The following DNAJC10 variants were observed in gnomAD, a reference collection of about 807,000 sequenced individuals.
DNAJC10 encodes DnaJ heat shock protein family (Hsp40) member C10, also known as endoplasmic reticulum disulfide reductase DNAJC10.
In DNAJC10, 101 loss-of-function variants were observed where a neutral mutation model predicts 115.0. The ratio of observed to expected loss-of-function variants is 0.88; its 90% CI spans 0.75 to 1.04. DNAJC10 has a LOEUF of 1.04. DNAJC10 is among the 50% of genes least tolerant of loss of function. The probability of loss-of-function intolerance (pLI) is 0.00; values close to 1 mark genes in which losing one functional copy is unlikely to be tolerated. For synonymous variants in DNAJC10, 307 were observed against 301.5 expected, an observed-to-expected ratio of 1.02 and a Z score of -0.19; for missense variants, 981 against 928.8, an observed-to-expected ratio of 1.06 and a Z score of -0.73.
chr2:182,749,451 C>G (rs1693958692), intron 14 of DNAJC10, among the ~76,000 whole-genome samples: 1 of 148,438 alleles, frequency 6.7e-6, no homozygotes, highest in South Asian at 2.2e-4. Flanking sequence ...GGTTTAAAGT[C>G]TGTTTTATCA....
rs1307398500 is a variant in DNAJC10 at position 182,788,117 on chromosome 2, G to C, written c.*10985G>C. 1 of 152,888 alleles carries C rather than the reference G, an allele frequency of 6.5e-6. No homozygotes were observed. Among genetic ancestry groups the C allele is most frequent in the South Asian group, 2.1e-4 (1 of 4,834 alleles). 9.5% of individuals were successfully genotyped at this position (152,888 alleles called of 1,614,324 possible). On this transcript the variant is annotated 3_prime_UTR_variant, in exon 24 of 24. Coordinates refer to ENST00000264065, the MANE Select transcript of DNAJC10 (RefSeq NM_018981.4). The stretch of plus-strand genomic sequence containing the variant: ...CGCAGAGTGGTTCCTACAGAGAAGG[G>C]TGGCAAGAAGGGCTGTTCTGCCATC...
At chr2:182,756,783 C>T (rs763456198) in intron 18 of DNAJC10, among the ~76,000 whole-genome samples, 4 of 152,074 alleles carry the variant, frequency 2.6e-5, no homozygotes, top group Non-Finnish European at 5.9e-5. Context: ...GGATTACAGG[C>T]ATGTGCCACC....
In DNAJC10 at chr2:182,756,299, C is replaced by G; in HGVS notation, c.1654-15C>G. 6.2e-7 allele frequency: 1 copy of G among 1,602,486 alleles called. No homozygotes were observed. Among genetic ancestry groups the G allele is most frequent in the Non-Finnish European group, 8.5e-7 (1 of 1,174,226 alleles). ...CTTTATATATATGTTATAATGGAAG[C>G]TATATTCTCTTCAGGATCTTATGAA... On this transcript the variant is annotated splice_polypyrimidine_tract_variant and intron_variant, in intron 17 of 23. Coordinates refer to ENST00000264065, the MANE Select transcript of DNAJC10 (RefSeq NM_018981.4).
At chr2:182,777,081 A>T in intron 23 of DNAJC10, 40 bp from the exon 24 acceptor site, 1 of 1,310,632 alleles carries the variant, frequency 7.6e-7, no homozygotes, top group Non-Finnish European at 1.0e-6. Flanking sequence ...ACCAACTCAT[A>T]CTTTCTCCTT....
rs1353696024 is a variant in DNAJC10 at position 182,740,495 on chromosome 2, AAGT to A, written c.1077+110_1077+112del. On this transcript the variant is annotated intron_variant, in intron 12 of 23. Transcript: ENST00000264065. Reference sequence around the variant, plus strand: ...TTTATTCATCTCTAGAGAGAATTGAAAGTAGCAGTTTCAAAGGATTATATATTA... The same window carrying A: ...TTTATTCATCTCTAGAGAGAATTGAAAGCAGTTTCAAAGGATTATATATTA... The A allele has an allele frequency of 1.2e-5, 13 of 1,096,604 alleles. No homozygotes were observed. The East Asian group carries it at 1.3e-4, about 11-fold the overall frequency. The allele number at this position is 1,096,604 out of a possible 1,614,324, so 67.9% of individuals were successfully genotyped here.
At chr2:182,721,894 A>G (rs1243599224) in intron 4 of DNAJC10, 131 bp from the exon 5 acceptor site, 14 of 519,054 alleles carry the variant, frequency 2.7e-5, no homozygotes, top group Non-Finnish European at 4.4e-5. Context: ...AGGATGTTGC[A>G]TATTCTCTAA....
Position 182,759,277 on chromosome 2 carries a change from T to G in DNAJC10, c.2115T>G (p.Asn705Lys). Residue 705 changes from asparagine (N) to lysine (K), a missense_variant, in exon 21 of 24, where the codon AAT becomes AAG. Physicochemically the swap from Asn to Lys is moderately conservative, Grantham distance 94 (BLOSUM62 0). Transcript: ENST00000264065. ...FYAPWCGPCQ[N>K]FAPEFELLAR... ...CTCCTTGGTGTGGACCTTGCCAGAA[T>G]TTTGCTCCAGAATTTGAGCTCTTGG... The G allele has an allele frequency of 6.2e-7, 1 of 1,610,182 alleles. No homozygotes were observed. The highest frequency in any genetic ancestry group is 8.5e-7 in the Non-Finnish European group (1 of 1,179,150).
intron 13 of DNAJC10, 80 bp from the exon 14 acceptor site, chr2:182,743,518 A>G: frequency 9.7e-7 from 1 of 1,027,990 alleles, no homozygotes; most frequent in South Asian, 1.3e-5. Context: ...GGGCAGTGCC[A>G]TTTTTGGATT....
At chr2:182,758,718 G>T in intron 19 of DNAJC10, 119 bp from the exon 20 acceptor site, 1 of 706,364 alleles carries the variant, frequency 1.4e-6, no homozygotes, top group Admixed American at 2.5e-5. Context: ...TGAGAAGAGA[G>T]ATACCAGATG....
chr2:182,749,356 T>C (rs1405875244), intron 14 of DNAJC10, among the ~76,000 whole-genome samples: 2 of 145,750 alleles, frequency 1.4e-5, no homozygotes, highest in African/African-American at 5.2e-5. Flanking sequence ...TGGGTGCATA[T>C]ATATTTAGGA....
At chr2:182,748,829 G>T (rs1693941533) in intron 14 of DNAJC10, among the ~76,000 whole-genome samples, 1 of 152,072 alleles carries the variant, frequency 6.6e-6, no homozygotes, top group Non-Finnish European at 1.5e-5. Context: ...TGCTTTGAAT[G>T]CGTCCCAGAG....
intron 16 of DNAJC10, among the ~76,000 whole-genome samples, chr2:182,754,414 G>T (rs288336): frequency 0.68 from 103,504 of 152,028 alleles, 35,924 homozygotes; most frequent in African/African-American, 0.8. Context: ...TTTAGAGAGA[G>T]GCTTCCTGGG....
At chr2:182,729,987 A>G in intron 8 of DNAJC10, 46 bp downstream of exon 8, 14 of 1,351,642 alleles carry the variant, frequency 1.0e-5, no homozygotes, top group Non-Finnish European at 1.5e-5. Context: ...GTATTTTGAA[A>G]TCAGTATTTT....
rs1194666675 is a variant in DNAJC10 at position 182,789,397 on chromosome 2, G to A, written c.*12265G>A. 1 of 152,382 alleles carries A rather than the reference G, an allele frequency of 6.6e-6. No homozygotes were observed. Among genetic ancestry groups the A allele is most frequent in the East Asian group, 1.9e-4 (1 of 5,180 alleles). The allele number at this position is 152,382 out of a possible 1,614,324, so 9.4% of individuals were successfully genotyped here. On this transcript the variant is annotated 3_prime_UTR_variant, in exon 24 of 24. Coordinates refer to ENST00000264065, the MANE Select transcript of DNAJC10 (RefSeq NM_018981.4). ...CCACCACGCTGGCTAATTTTTGTAT[G>A]TTTAACGGAGACAAGGTTTTAGTGT...
chr2:182,746,258 G>C (rs1046515709), intron 14 of DNAJC10, among the ~76,000 whole-genome samples: 3 of 152,140 alleles, frequency 2.0e-5, no homozygotes, highest in African/African-American at 7.2e-5. Context: ...ACCCAGTAAT[G>C]GGATGGCTGG....
intron 11 of DNAJC10, among the ~76,000 whole-genome samples, chr2:182,737,791 G>A (rs1693624785): frequency 6.6e-6 from 1 of 152,050 alleles, no homozygotes; most frequent in Non-Finnish European, 1.5e-5. Flanking sequence ...TGAAAACTCT[G>A]TCCTTTATTA....
rs781663266 is a variant in DNAJC10, at chr2:182,718,103, AT to A, written c.18del (p.Asn6LysfsTer9). 10 of 1,604,348 alleles carry A rather than the reference AT, an allele frequency of 6.2e-6. No individual in the cohort carries two copies. On this transcript the variant is annotated frameshift_variant, in exon 3 of 24. Coordinates refer to ENST00000264065, the MANE Select transcript of DNAJC10 (RefSeq NM_018981.4). LOFTEE classifies it high-confidence loss of function. ...AGAAAGAGAATGGGAGTCTGGTTAA[AT>A]AAAGATGACTATATCAGAGACTTGA... Reference protein sequence around the residue: MGVWLNKDDYIRDLKR... With the variant: MGVWLXKDDYIRDLKR...
chr2:182,756,243 A>G, intron 17 of DNAJC10, 71 bp from the exon 18 acceptor site: 3 of 1,304,810 alleles, frequency 2.3e-6, no homozygotes, highest in South Asian at 3.9e-5. Context: ...ACCTGTACCA[A>G]CAATTTGCCA....
At chr2:182,722,831 T>C (rs1031499621) in intron 5 of DNAJC10, among the ~76,000 whole-genome samples, 1 of 151,976 alleles carries the variant, frequency 6.6e-6, no homozygotes. Context: ...TCCCAGCTAC[T>C]TGGGAGGCTG....
Sources: allele counts gnomAD v4.1 joint callset (sites outside exome capture counted in the v4.1 genomes callset), GRCh38; gene constraint gnomAD v4.1.1; transcripts MANE v1.5; gene names NCBI Gene and HGNC (gene_info 2026-07-23, HGNC 2026-07-21).